Variants in MMP24 observed in about 807,000 individuals in gnomAD.
The protein encoded by MMP24 is matrix metalloproteinase-24.
In MMP24, 25 loss-of-function variants were observed where a neutral mutation model predicts 62.8. The observed-to-expected ratio is 0.40, with a 90% CI of 0.29 to 0.56. The LOEUF (loss-of-function observed/expected upper bound fraction) is 0.56, where lower values mean the gene tolerates loss of function less well. MMP24 is among the 20% of genes least tolerant of loss of function. The pLI is 0.50. For synonymous variants in MMP24, 319 were observed against 350.5 expected, an observed-to-expected ratio of 0.91 and a Z score of 1.00; for missense variants, 634 against 853.6, an observed-to-expected ratio of 0.74 and a Z score of 3.21.
intron 8 of MMP24, chr20:35,272,036 G>A: frequency 1.6e-6 from 1 of 630,432 alleles, no homozygotes; most frequent in East Asian, 2.8e-5. Context: ...TCATCTGCAG[G>A]AATGATTCAC....
chr20:35,239,319 G>A (rs1222317965), intron 1 of MMP24, among the ~76,000 whole-genome samples: 1 of 152,120 alleles, frequency 6.6e-6, no homozygotes, highest in Non-Finnish European at 1.5e-5. Flanking sequence ...TTACAGGCAT[G>A]AGCCACCACG....
intron 5 of MMP24, among the ~76,000 whole-genome samples, chr20:35,266,494 G>A (rs960409748): frequency 1.6e-4 from 25 of 152,174 alleles, no homozygotes; most frequent in Non-Finnish European, 2.9e-4. Flanking sequence ...AGAGACGGAA[G>A]AGAAGAGGAC....
intron 7 of MMP24, among the ~76,000 whole-genome samples, chr20:35,270,262 C>T (rs2060661796): frequency 6.6e-6 from 1 of 152,158 alleles, no homozygotes; most frequent in South Asian, 2.1e-4. Flanking sequence ...CCACCCTGTA[C>T]CCAGCACTGT....
chr20:35,227,159 G>A (rs2060417684), intron 1 of MMP24, among the ~76,000 whole-genome samples, 175 bp downstream of exon 1: 1 of 150,888 alleles, frequency 6.6e-6, no homozygotes. Context: ...GGGCTGGGGA[G>A]GGCCTCGCCG....
Position 35,274,738 on chromosome 20 carries a change from G to A in MMP24, c.*129G>A, listed in dbSNP as rs1600811349. On this transcript the variant is annotated 3_prime_UTR_variant, in exon 9 of 9. Transcript: ENST00000246186. The surrounding 1 kb of genome is among the most constrained non-coding windows in gnomAD (Gnocchi z 5.1). ...CCTAGGCTGGGGTCGTACAGCTGAA[G>A]TGGTGGGTGCATTGGCCTAGGCTGA... 2.4e-6 allele frequency: 2 copies of A among 824,136 alleles called. No homozygotes were observed. The highest frequency in any genetic ancestry group is 1.9e-6 in the Non-Finnish European group (1 of 534,634). The allele number at this position is 824,136 out of a possible 1,614,324, so 51.1% of individuals were successfully genotyped here.
At chr20:35,268,392 G>A (rs1174753026) in intron 6 of MMP24, among the ~76,000 whole-genome samples, 2 of 152,196 alleles carry the variant, frequency 1.3e-5, no homozygotes, top group Admixed American at 1.3e-4. Context: ...AGGCTGCCTC[G>A]CTCCCCTTGT....
chr20:35,259,074 G>A (rs562349623), intron 4 of MMP24, among the ~76,000 whole-genome samples: 6 of 152,246 alleles, frequency 3.9e-5, no homozygotes, highest in East Asian at 3.9e-4. Context: ...CCAGCTACTC[G>A]GGAGGCTGAG....
chr20:35,237,741 T>C (rs2060470653), intron 1 of MMP24, among the ~76,000 whole-genome samples: 1 of 152,176 alleles, frequency 6.6e-6, no homozygotes, highest in Non-Finnish European at 1.5e-5. Flanking sequence ...AGTTAGGTAA[T>C]ATTTGGTATG....
At chr20:35,256,714 CAAAAAAAAAA>C (rs74173944) in intron 4 of MMP24, among the ~76,000 whole-genome samples, 5 of 39,718 alleles carry the variant, frequency 1.3e-4, no homozygotes, top group East Asian at 1.4e-3. Context: ...GATTCCGTCT[CAAAAAAAAAA>C]AAAAAAAAAA....
intron 4 of MMP24, among the ~76,000 whole-genome samples, chr20:35,261,768 C>T (rs944623342): frequency 1.3e-5 from 2 of 151,754 alleles, no homozygotes; most frequent in African/African-American, 4.8e-5. Flanking sequence ...TCTTTGTCCC[C>T]ACTCCCTCCC....
intron 3 of MMP24, among the ~76,000 whole-genome samples, chr20:35,252,675 T>A (rs1405557134): frequency 6.6e-6 from 1 of 152,188 alleles, no homozygotes; most frequent in Non-Finnish European, 1.5e-5. Context: ...CAGAGCAGGA[T>A]CCATCTCCAA....
chr20:35,235,616 T>G (rs1217796133), intron 1 of MMP24, among the ~76,000 whole-genome samples: 1 of 152,168 alleles, frequency 6.6e-6, no homozygotes, highest in Non-Finnish European at 1.5e-5. Flanking sequence ...GAGAATCACT[T>G]GAACCCGAGA....
chr20:35,262,839 G>A (rs990984816), intron 4 of MMP24: 2 of 140,248 alleles, frequency 1.4e-5, no homozygotes, highest in Non-Finnish European at 3.0e-5. Flanking sequence ...AGGGAGTGGT[G>A]ATGACTCTTA....
chr20:35,271,631 G>A lies in MMP24; in HGVS notation c.1396G>A (p.Glu466Lys), dbSNP rs2060670079. 1 of 1,611,692 alleles carries A rather than the reference G, an allele frequency of 6.2e-7. No homozygotes were observed. Among genetic ancestry groups the A allele is most frequent in the South Asian group, 1.1e-5 (1 of 90,456 alleles). ...VEPGYPHSLG[E>K]LGSCLPREGI... Reference sequence around the variant, plus strand: ...GCCTGGGTACCCCCACAGCCTGGGGGAGCTGGGCAGCTGTTTGCCCCGTGA... The same window carrying A: ...GCCTGGGTACCCCCACAGCCTGGGGAAGCTGGGCAGCTGTTTGCCCCGTGA... The change falls in exon 8 of 9, where the codon GAG becomes AAG. Residue 466 changes from glutamate (E) to lysine (K), a missense_variant. By Grantham distance (56) the Glu-to-Lys change is moderately conservative. Around this residue, in one of 3 missense-constraint regions of MMP24, gnomAD observed 399 missense variants for 530.8 expected, o/e 0.75. Transcript: ENST00000246186. This position sits in a 1 kb window ranked among gnomAD's most constrained non-coding sequence, Gnocchi z 4.0.
intron 8 of MMP24, among the ~76,000 whole-genome samples, chr20:35,272,395 T>C (rs927178311): frequency 6.6e-5 from 10 of 152,202 alleles, no homozygotes; most frequent in African/African-American, 2.4e-4. Flanking sequence ...CATGCCACTG[T>C]GCCTGGCTAA....
At position 35,226,878 on chromosome 20, in the gene MMP24, C is replaced by G; in HGVS notation, c.140C>G (p.Pro47Arg). 1.0e-6 allele frequency: 1 copy of G among 979,112 alleles called. No homozygotes were observed. The highest frequency in any genetic ancestry group is 1.2e-6 in the Non-Finnish European group (1 of 828,240). The allele number at this position is 979,112 out of a possible 1,614,324, so 60.7% of individuals were successfully genotyped here. ...LLLLPALCCL[P>R]GAARAAAAAA... The stretch of plus-strand genomic sequence containing the variant: ...CTGCTGCCCGCGCTCTGCTGCCTCC[C>G]GGGCGCCGCGCGGGCGGCGGCGGCG... The change falls in exon 1 of 9, where the codon CCG (proline) becomes CGG (arginine). Residue 47 changes from proline to arginine, a missense_variant. Coordinates refer to ENST00000246186, the MANE Select transcript of MMP24 (RefSeq NM_006690.4).
chr20:35,239,453 G>A (rs2060478260), intron 1 of MMP24, among the ~76,000 whole-genome samples: 1 of 152,118 alleles, frequency 6.6e-6, no homozygotes, highest in South Asian at 2.1e-4. Flanking sequence ...GTACATAGTA[G>A]GTCCTCAATA....
chr20:35,262,083 T>C (rs1279479512), intron 4 of MMP24, among the ~76,000 whole-genome samples: 1 of 152,124 alleles, frequency 6.6e-6, no homozygotes, highest in African/African-American at 2.4e-5. Flanking sequence ...ATTACAGGCG[T>C]GAGCCACCAC....
chr20:35,271,643 T>G lies in MMP24; in HGVS notation c.1408T>G (p.Cys470Gly). ...CCACAGCCTGGGGGAGCTGGGCAGCTGTTTGCCCCGTGAAGGCATTGACAC... is the reference window on the plus strand; with the variant it reads ...CCACAGCCTGGGGGAGCTGGGCAGCGGTTTGCCCCGTGAAGGCATTGACAC... ...YPHSLGELGSCLPREGIDTAL... is the reference protein window; with the variant it reads ...YPHSLGELGSGLPREGIDTAL... The change falls in exon 8 of 9, where the codon TGT (cysteine) becomes GGT (glycine). Residue 470 changes from cysteine to glycine, a missense_variant. By Grantham distance (159) the Cys-to-Gly change is radical. This residue lies in a region of MMP24 where 399 missense variants were observed against 530.8 expected (regional missense o/e 0.75). Coordinates refer to ENST00000246186, the MANE Select transcript of MMP24 (RefSeq NM_006690.4). The surrounding 1 kb of genome is among the most constrained non-coding windows in gnomAD (Gnocchi z 4.0). 1 of 1,611,150 alleles carries G rather than the reference T, an allele frequency of 6.2e-7. No homozygotes were observed. Among genetic ancestry groups the G allele is most frequent in the Non-Finnish European group, 8.5e-7 (1 of 1,178,786 alleles).
Sources: allele counts gnomAD v4.1 joint callset (sites outside exome capture counted in the v4.1 genomes callset), GRCh38; gene constraint gnomAD v4.1.1; regional missense constraint gnomAD v4.1.1; non-coding constraint Gnocchi (gnomAD v3.1); transcripts MANE v1.5; gene names NCBI Gene and HGNC (gene_info 2026-07-23, HGNC 2026-07-21).